Variants in UGT1A8 observed in about 807,000 individuals in gnomAD.
UGT1A8 encodes UDP glucuronosyltransferase family 1 member A8.
Under a neutral mutation model 45.3 loss-of-function variants are expected in UGT1A8, and 39 were observed. The observed-to-expected ratio is 0.86, with a 90% CI of 0.67 to 1.12. The LOEUF is 1.12. Among genes scored for constraint, UGT1A8 ranks in the 50% most tolerant of loss-of-function variants. The pLI, the probability that UGT1A8 is intolerant of heterozygous loss-of-function variation, is 0.00. For missense variants in UGT1A8, 719 were observed against 664.9 expected, an observed-to-expected ratio of 1.08 and a Z score of -0.90; for synonymous variants, 275 against 249.2, an observed-to-expected ratio of 1.10 and a Z score of -0.97.
At chr2:233,661,094 T>G (rs1312385981) in intron 1 of UGT1A8, among the ~76,000 whole-genome samples, 1 of 152,028 alleles carries the variant, frequency 6.6e-6, no homozygotes, top group Non-Finnish European at 1.5e-5. Context: ...TAATAAAATT[T>G]TATGTAGATA....
At chr2:233,718,152 T>C (rs2125658477) in intron 1 of UGT1A8, 1 of 215,796 alleles carries the variant, frequency 4.6e-6, no homozygotes, top group East Asian at 9.7e-5. Flanking sequence ...AATAAAGCCT[T>C]CCCAAGAATA....
At chr2:233,747,872 G>A (rs1394034943) in intron 1 of UGT1A8, 4 of 1,613,378 alleles carry the variant, frequency 2.5e-6, no homozygotes, top group African/African-American at 1.3e-5. Flanking sequence ...CTCTGGCCCT[G>A]TCCTACCTTT....
chr2:233,719,419 C>A (rs761827245), intron 1 of UGT1A8: 1 of 1,613,996 alleles, frequency 6.2e-7, no homozygotes, highest in Non-Finnish European at 8.5e-7. Flanking sequence ...TTACTAACGA[C>A]CAATTCAGAC....
chr2:233,685,524 C>G lies in UGT1A8; in HGVS notation c.855+66962C>G, dbSNP rs535145479. 1.7e-3 allele frequency among the ~76,000 whole-genome samples: 266 copies of G among 152,298 alleles called. 1 individual carries two copies. Among genetic ancestry groups the G allele is most frequent in the African/African-American group, 6.3e-3 (261 of 41,558 alleles). ...CAGCAAGAAAAGATCTATGCTTTCCCCATTGCTCTCGCATTCTGTTTTTGA... is the reference window on the plus strand; with the variant it reads ...CAGCAAGAAAAGATCTATGCTTTCCGCATTGCTCTCGCATTCTGTTTTTGA... On this transcript the variant is annotated intron_variant, in intron 1 of 4. Transcript: ENST00000373450.
At chr2:233,619,314 T>G (rs1390567606) in intron 1 of UGT1A8, among the ~76,000 whole-genome samples, 2 of 152,178 alleles carry the variant, frequency 1.3e-5, no homozygotes, top group Non-Finnish European at 2.9e-5. Context: ...CTTTGGATGC[T>G]ATGTAGTTTT....
At chr2:233,632,360 T>A (rs896069159) in intron 1 of UGT1A8, among the ~76,000 whole-genome samples, 4 of 152,100 alleles carry the variant, frequency 2.6e-5, no homozygotes, top group African/African-American at 9.7e-5. Flanking sequence ...AGTTTTTTCC[T>A]ATTCTGTGAA....
intron 1 of UGT1A8, chr2:233,747,764 C>A: frequency 6.2e-7 from 1 of 1,613,426 alleles, no homozygotes; most frequent in Non-Finnish European, 8.5e-7. Context: ...ACTTTAAGGG[C>A]ACACAGTGTC....
intron 1 of UGT1A8, chr2:233,693,441 C>A: frequency 6.2e-7 from 1 of 1,614,144 alleles, no homozygotes; most frequent in Non-Finnish European, 8.5e-7. Context: ...AAGTTTGATG[C>A]TCTTTTCACA....
intron 1 of UGT1A8, among the ~76,000 whole-genome samples, chr2:233,626,476 T>G (rs1439530979): frequency 6.6e-6 from 1 of 152,104 alleles, no homozygotes; most frequent in Non-Finnish European, 1.5e-5. Flanking sequence ...CACCTTATGT[T>G]GCTGTATCCA....
chr2:233,629,996 T>C (rs967930652), intron 1 of UGT1A8, among the ~76,000 whole-genome samples: 1 of 151,998 alleles, frequency 6.6e-6, no homozygotes, highest in African/African-American at 2.4e-5. Flanking sequence ...CTAATATTGA[T>C]AATTTCTTTC....
At chr2:233,693,510 A>G in intron 1 of UGT1A8, 1 of 1,614,092 alleles carries the variant, frequency 6.2e-7, no homozygotes, top group Non-Finnish European at 8.5e-7. Context: ...CCATCTGTGT[A>G]CCTCTTCAGG....
intron 1 of UGT1A8, chr2:233,717,949 A>C: frequency 2.2e-6 from 1 of 452,294 alleles, no homozygotes; most frequent in South Asian, 1.6e-5. Context: ...GCAGACTTGC[A>C]GAAGACTGGA....
chr2:233,736,234 T>G (rs1035352456), intron 1 of UGT1A8, among the ~76,000 whole-genome samples: 1 of 152,188 alleles, frequency 6.6e-6, no homozygotes, highest in Admixed American at 6.5e-5. Context: ...TCTCTAACCT[T>G]GTCTTCTCAC....
chr2:233,629,782 A>C (rs886820610), intron 1 of UGT1A8, among the ~76,000 whole-genome samples: 1 of 152,128 alleles, frequency 6.6e-6, no homozygotes, highest in Non-Finnish European at 1.5e-5. Flanking sequence ...TTGAATTACA[A>C]ATACAAATTC....
At chr2:233,750,013 A>T (rs1694334722) in intron 1 of UGT1A8, among the ~76,000 whole-genome samples, 1 of 151,828 alleles carries the variant, frequency 6.6e-6, no homozygotes, top group East Asian at 1.9e-4. Context: ...TGCCATGGAG[A>T]GTGGAGTACT....
At chr2:233,677,807 C>T (rs1006257763) in intron 1 of UGT1A8, among the ~76,000 whole-genome samples, 1 of 151,832 alleles carries the variant, frequency 6.6e-6, no homozygotes. Flanking sequence ...TGTCATTCGA[C>T]CCAGCAATCC....
chr2:233,658,787 G>A (rs1423940343), intron 1 of UGT1A8, among the ~76,000 whole-genome samples: 1 of 152,160 alleles, frequency 6.6e-6, no homozygotes, highest in Non-Finnish European at 1.5e-5. Flanking sequence ...TGTTCATACT[G>A]CTAAACATCT....
rs3892170 is a variant in UGT1A8 at position 233,713,766 on chromosome 2, G to C, written c.856-53268G>C. ...CCATGCATCTGTGTGGCTGTTCCGA[G>C]GGGACTTTGTGATGGATTACCCCAG... is the stretch of plus-strand genomic sequence containing the variant. On this transcript the variant is annotated intron_variant, in intron 1 of 4. Transcript: ENST00000373450. The C allele has an allele frequency of 0.091, 144,162 of 1,587,116 alleles. 8,641 individuals are homozygous for C. Among genetic ancestry groups the C allele is most frequent in the South Asian group, 0.18 (15,878 of 87,328 alleles).
chr2:233,624,399 G>T (rs1234334628), intron 1 of UGT1A8, among the ~76,000 whole-genome samples: 2 of 152,072 alleles, frequency 1.3e-5, no homozygotes, highest in African/African-American at 4.8e-5. Flanking sequence ...TTAAACTGGG[G>T]TTATAGGTTT....
Sources: gnomAD v4.1 joint callset for allele counts (sites outside exome capture counted in the v4.1 genomes callset) on GRCh38, gnomAD v4.1.1 for gene constraint, MANE v1.5 for transcripts, NCBI Gene and HGNC (gene_info 2026-07-23, HGNC 2026-07-21) for gene names.